LHFPL3: variants seen among roughly 807,000 people sequenced by gnomAD.
The protein encoded by LHFPL3 is LHFPL tetraspan subfamily member 3 protein.
A neutral mutation model predicts 19.3 loss-of-function variants in LHFPL3; 5 were observed. The observed-to-expected ratio is 0.26, with a 90% CI of 0.14 to 0.54. LHFPL3 has a LOEUF of 0.54. Among genes scored for constraint, LHFPL3 ranks in the 20% least tolerant of loss-of-function variants. LHFPL3 has a pLI of 0.94. For synonymous variants in LHFPL3, 133 were observed against 126.2 expected (o/e 1.05, Z -0.36); for missense variants, 249 against 307.4 (o/e 0.81, Z 1.42).
At chr7:104,593,442 G>T (rs1488753785) in intron 1 of LHFPL3, among the ~76,000 whole-genome samples, 1 of 152,184 alleles carries the variant, frequency 6.6e-6, no homozygotes, top group Non-Finnish European at 1.5e-5. Context: ...ATTTGCTGAG[G>T]AGTGCTTTAC....
intron 1 of LHFPL3, among the ~76,000 whole-genome samples, chr7:104,388,398 A>AGCTGT (rs1383837373): frequency 1.1e-3 from 173 of 152,290 alleles, no homozygotes; most frequent in African/African-American, 4.0e-3. Context: ...AGGGATCCTC[A>AGCTGT]ATAAGACATA....
At chr7:104,387,173 A>G (rs772991714) in intron 1 of LHFPL3, among the ~76,000 whole-genome samples, 1 of 152,166 alleles carries the variant, frequency 6.6e-6, no homozygotes, top group Non-Finnish European at 1.5e-5. Context: ...CAACAAACTT[A>G]TAGATTATTT....
At chr7:104,829,042 A>G (rs906962664) in intron 2 of LHFPL3, among the ~76,000 whole-genome samples, 4 of 150,274 alleles carry the variant, frequency 2.7e-5, no homozygotes, top group African/African-American at 9.9e-5. Context: ...AAAAAAAAAG[A>G]GTCCCCAAAA....
At chr7:104,899,030 A>T (rs748124072) in intron 2 of LHFPL3, among the ~76,000 whole-genome samples, 14 of 152,000 alleles carry the variant, frequency 9.2e-5, no homozygotes, top group African/African-American at 2.9e-4. Context: ...TTGAGCCCAG[A>T]AAGTCAAGGC....
At chr7:104,691,814 A>G (rs1335296058) in intron 1 of LHFPL3, among the ~76,000 whole-genome samples, 2 of 152,216 alleles carry the variant, frequency 1.3e-5, no homozygotes, top group East Asian at 3.9e-4. Context: ...ACAGGAAAAT[A>G]TGGGAAAGTT....
chr7:104,621,552 C>G (rs1395820184), intron 1 of LHFPL3, among the ~76,000 whole-genome samples: 1 of 152,202 alleles, frequency 6.6e-6, no homozygotes, highest in Non-Finnish European at 1.5e-5. Context: ...ACCAGAGCTT[C>G]CAAACAGAGG....
chr7:104,769,453 A>G (rs1794511669), intron 2 of LHFPL3, among the ~76,000 whole-genome samples: 1 of 151,394 alleles, frequency 6.6e-6, no homozygotes, highest in African/African-American at 2.4e-5. Context: ...TAAAAATAGC[A>G]ATTTCTTTTT....
chr7:104,395,006 G>A (rs1463733451), intron 1 of LHFPL3, among the ~76,000 whole-genome samples: 2 of 151,824 alleles, frequency 1.3e-5, no homozygotes, highest in African/African-American at 2.4e-5. Flanking sequence ...GCTGCTAGTC[G>A]TCATTTTCTA....
In LHFPL3 at chr7:104,693,794, G is replaced by GTTT. The variant is rs71155519; in HGVS notation, c.446-42873_446-42871dup. On this transcript the variant is annotated intron_variant, in intron 1 of 2. Coordinates refer to ENST00000424859, the MANE Select transcript of LHFPL3 (RefSeq NM_199000.3). Reference sequence around the variant, plus strand: ...GCCACCACGCCCTGCTAATTGTGGGGTTTTTTTTTTGTATTTTTAGTAGAG... The same window carrying GTTT: ...GCCACCACGCCCTGCTAATTGTGGGGTTTTTTTTTTTTTGTATTTTTAGTAGAG... Among the ~76,000 whole-genome samples, 38 of 146,644 alleles carry GTTT rather than the reference G, an allele frequency of 2.6e-4. 2 individuals carry two copies. The East Asian group carries it at 4.0e-3, about 16-fold the overall frequency.
chr7:104,735,797 T>C (rs1407439509), intron 1 of LHFPL3, among the ~76,000 whole-genome samples: 1 of 152,240 alleles, frequency 6.6e-6, no homozygotes, highest in African/African-American at 2.4e-5. Flanking sequence ...GTGTCACTCA[T>C]GCTGGGAGCT....
intron 2 of LHFPL3, among the ~76,000 whole-genome samples, chr7:104,836,975 G>C (rs1013176337): frequency 5.9e-5 from 9 of 152,240 alleles, no homozygotes; most frequent in Middle Eastern, 3.4e-3. Context: ...GTAAGATGAG[G>C]ATCTTTTCTA....
intron 1 of LHFPL3, among the ~76,000 whole-genome samples, chr7:104,491,152 G>GA (rs113303259): frequency 0.37 from 55,901 of 151,672 alleles, 11,530 homozygotes; most frequent in Middle Eastern, 0.51. Flanking sequence ...GATTAGACCA[G>GA]AGGCTGTAAC....
rs1460471319 is a variant in LHFPL3, at chr7:104,821,021, GC to G, written c.682+84112del. On this transcript the variant is annotated intron_variant, in intron 2 of 2. Transcript: ENST00000424859. ...AGGAACTTTAACTGCCTTCCAAGAG[GC>G]CTGCCTCCCAAAGTCACGCCTGTAC... Among the ~76,000 whole-genome samples, 13 of 152,196 alleles carry G rather than the reference GC, an allele frequency of 8.5e-5. No individual in the cohort carries two copies. The East Asian group carries it at 2.3e-3, about 27-fold the overall frequency.
rs1350654935 is a variant in LHFPL3, at chr7:104,489,167, C to T, written c.445+159943C>T. Among the ~76,000 whole-genome samples, 3 of 38,928 alleles carry T rather than the reference C, an allele frequency of 7.7e-5. 1 individual carries two copies. The highest frequency in any genetic ancestry group is 2.7e-4 in the Non-Finnish European group (3 of 11,272). The allele number at this position is 38,928 out of a possible 152,430, so 25.5% of individuals were successfully genotyped here. Reference sequence around the variant, plus strand: ...GCGGGATCTCGGCTCATTGCAAGCTCCACCTCCCGGGTTCACGCCATTCTC... The same window carrying T: ...GCGGGATCTCGGCTCATTGCAAGCTTCACCTCCCGGGTTCACGCCATTCTC... On this transcript the variant is annotated intron_variant, in intron 1 of 2. Transcript: ENST00000424859.
chr7:104,527,825 A>T (rs1405806724), intron 1 of LHFPL3, among the ~76,000 whole-genome samples: 1 of 152,198 alleles, frequency 6.6e-6, no homozygotes, highest in Non-Finnish European at 1.5e-5. Flanking sequence ...TCTTTTAAAA[A>T]ACTTTTTAAG....
intron 1 of LHFPL3, among the ~76,000 whole-genome samples, chr7:104,437,251 G>T (rs1455835752): frequency 6.6e-6 from 1 of 152,150 alleles, no homozygotes; most frequent in Non-Finnish European, 1.5e-5. Context: ...TGAAACTATT[G>T]TGGAGATTCT....
chr7:104,805,456 C>A (rs1179384010), intron 2 of LHFPL3, among the ~76,000 whole-genome samples: 1 of 152,200 alleles, frequency 6.6e-6, no homozygotes, highest in African/African-American at 2.4e-5. Context: ...TCACCTGTTA[C>A]AATTTGAGGT....
chr7:104,444,134 G>C (rs1380115485), intron 1 of LHFPL3, among the ~76,000 whole-genome samples: 1 of 152,166 alleles, frequency 6.6e-6, no homozygotes, highest in Non-Finnish European at 1.5e-5. Flanking sequence ...CTCAGATGTG[G>C]TTTAGTATAA....
intron 1 of LHFPL3, among the ~76,000 whole-genome samples, chr7:104,439,064 T>C (rs1792167354): frequency 6.6e-6 from 1 of 152,210 alleles, no homozygotes; most frequent in African/African-American, 2.4e-5. Context: ...TAAATAGCCT[T>C]ATATCCATCA....
Sources: gnomAD v4.1 joint callset for allele counts (sites outside exome capture counted in the v4.1 genomes callset) on GRCh38, gnomAD v4.1.1 for gene constraint, MANE v1.5 for transcripts, NCBI Gene and HGNC (gene_info 2026-07-23, HGNC 2026-07-21) for gene names.